CXXC5: variants seen among roughly 807,000 people sequenced by gnomAD.
The protein encoded by CXXC5 is CXXC finger protein 5, also known as CXXC-type zinc finger protein 5.
CXXC5 carries 2 observed loss-of-function variants against 17.6 expected under a neutral mutation model. The ratio of observed to expected loss-of-function variants is 0.11; its 90% confidence interval spans 0.05 to 0.36. The LOEUF is 0.36. Ranked by LOEUF, CXXC5 falls within the 10% of genes least tolerant of loss-of-function variation. The pLI, the probability that CXXC5 is intolerant of heterozygous loss-of-function variation, is 1.00. For missense variants in CXXC5, 343 were observed against 458.3 expected (o/e 0.75, Z 2.30); for synonymous variants, 171 against 193.0 (o/e 0.89, Z 0.94).
At position 139,653,113 on chromosome 5, in the gene CXXC5, C is replaced by T. The variant is rs534400709; in HGVS notation, c.-161+4268C>T. The stretch of plus-strand genomic sequence containing the variant: ...ACTGAACCTCTCACACCCAGTCCTT[C>T]CCCCTGCAACCCCTACACCCCTTCC... On this transcript the variant is annotated intron_variant, in intron 1 of 2. Coordinates refer to ENST00000302517, the MANE Select transcript of CXXC5 (RefSeq NM_016463.9). Among the ~76,000 whole-genome samples the T allele has an allele frequency of 1.1e-4, 17 of 152,208 alleles. No homozygotes were observed. The South Asian group carries it at 3.5e-3, about 32-fold the overall frequency.
intron 1 of CXXC5, among the ~76,000 whole-genome samples, chr5:139,671,756 G>A (rs1210752911): frequency 5.3e-5 from 8 of 152,220 alleles, no homozygotes; most frequent in Admixed American, 6.5e-5. Flanking sequence ...CACCCTCCAG[G>A]ACCCAAGGGA....
chr5:139,659,846 C>T (rs1011328368), intron 1 of CXXC5, among the ~76,000 whole-genome samples: 5 of 152,186 alleles, frequency 3.3e-5, no homozygotes, highest in South Asian at 2.1e-4. Flanking sequence ...CACTGCCCAC[C>T]GAGCTTCTTG....
Position 139,683,022 on chromosome 5 carries a change from C to A in CXXC5, c.*115C>A, listed in dbSNP as rs2126836724. On this transcript the variant is annotated 3_prime_UTR_variant, in exon 3 of 3. Transcript: ENST00000302517. ...ACCCGTCTTTAGAACCAAAAATATTCTCTCACAGATTTCATTCCTGTTTTT... is the reference window on the plus strand; with the variant it reads ...ACCCGTCTTTAGAACCAAAAATATTATCTCACAGATTTCATTCCTGTTTTT... 3.7e-6 allele frequency: 3 copies of A among 813,402 alleles called. No individual in the cohort carries two copies. The highest frequency in any genetic ancestry group is 5.3e-6 in the Non-Finnish European group (3 of 570,646). The allele number at this position is 813,402 out of a possible 1,614,324, so 50.4% of individuals were successfully genotyped here. A position where few individuals can be genotyped will look rare whatever the true frequency, so the allele number is the denominator to read the frequency against.
At chr5:139,678,916 G>A (rs1357438750) in intron 1 of CXXC5, among the ~76,000 whole-genome samples, 1 of 152,232 alleles carries the variant, frequency 6.6e-6, no homozygotes, top group African/African-American at 2.4e-5. Context: ...CAAGGCTGGA[G>A]AGCCGGGACT....
At chr5:139,678,240 A>C (rs1028560174) in intron 1 of CXXC5, among the ~76,000 whole-genome samples, 1 of 152,226 alleles carries the variant, frequency 6.6e-6, no homozygotes, top group Admixed American at 6.5e-5. Flanking sequence ...AGCCAGGGTC[A>C]CTGATTCCTG....
upstream of CXXC5, chr5:139,647,442 G>C (rs1427105801): frequency 6.6e-6 from 1 of 152,238 alleles, no homozygotes; most frequent in Non-Finnish European, 1.5e-5. Flanking sequence ...ATGGGTACGT[G>C]AGGTGAAGAC....
chr5:139,652,415 A>G (rs761529063), intron 1 of CXXC5, among the ~76,000 whole-genome samples: 1 of 151,886 alleles, frequency 6.6e-6, no homozygotes, highest in Non-Finnish European at 1.5e-5. Flanking sequence ...GCAATGAGAA[A>G]GGACTGCCCC....
At chr5:139,662,212 C>T (rs1465922673) in intron 1 of CXXC5, among the ~76,000 whole-genome samples, 1 of 151,762 alleles carries the variant, frequency 6.6e-6, no homozygotes, top group African/African-American at 2.4e-5. Context: ...CCAAGGCCCT[C>T]ATTATCCAGT....
chr5:139,664,753 A>C (rs1331132538), intron 1 of CXXC5, among the ~76,000 whole-genome samples: 1 of 152,178 alleles, frequency 6.6e-6, no homozygotes, highest in Non-Finnish European at 1.5e-5. Flanking sequence ...ACAGGGGTCC[A>C]GGGGAAGAAG....
At chr5:139,671,728 C>T (rs1303847780) in intron 1 of CXXC5, among the ~76,000 whole-genome samples, 1 of 152,260 alleles carries the variant, frequency 6.6e-6, no homozygotes, top group Non-Finnish European at 1.5e-5. Context: ...GACTTCTCTG[C>T]AACAGGGCCC....
At position 139,680,395 on chromosome 5, in the gene CXXC5, A is replaced by G; in HGVS notation, c.-129A>G. Reference sequence around the variant, plus strand: ...GACATTTCCACCTGGACACCTGACCATGTGCCTGCCCTGAGCAGCGAGGCC... The same window carrying G: ...GACATTTCCACCTGGACACCTGACCGTGTGCCTGCCCTGAGCAGCGAGGCC... On this transcript the variant is annotated 5_prime_UTR_variant, in exon 2 of 3. It removes an upstream start codon present in the reference 5' UTR. Transcript: ENST00000302517. 1 of 1,338,028 alleles carries G rather than the reference A, an allele frequency of 7.5e-7. No homozygotes were observed. The highest frequency in any genetic ancestry group is 9.9e-7 in the Non-Finnish European group (1 of 1,009,052). The allele number at this position is 1,338,028 out of a possible 1,614,324, so 82.9% of individuals were successfully genotyped here.
chr5:139,673,128 G>A lies in CXXC5; in HGVS notation c.-160-7236G>A, dbSNP rs372281146. Among the ~76,000 whole-genome samples, 9 of 152,250 alleles carry A rather than the reference G, an allele frequency of 5.9e-5. No individual in the cohort carries two copies. The East Asian group carries it at 9.6e-4, about 16-fold the overall frequency. On this transcript the variant is annotated intron_variant, in intron 1 of 2. Transcript: ENST00000302517. ...TCAGGGGATCCCAGATAGACAAGGC[G>A]TCATTACACCTGCTTAAGCAAATTG...
chr5:139,648,933 GT>G (rs1344789971), intron 1 of CXXC5, 88 bp downstream of exon 1: 6 of 152,246 alleles, frequency 3.9e-5, no homozygotes, highest in Admixed American at 3.9e-4. Flanking sequence ...CTCCCCCGGG[GT>G]TCGGTGCGCG....
chr5:139,673,066 C>G (rs984218777), intron 1 of CXXC5, among the ~76,000 whole-genome samples: 5 of 152,132 alleles, frequency 3.3e-5, no homozygotes, highest in African/African-American at 1.2e-4. Flanking sequence ...GGTGTCAGCT[C>G]AGAGATCACC....
chr5:139,672,093 A>AT (rs936653107), intron 1 of CXXC5, among the ~76,000 whole-genome samples: 6 of 151,478 alleles, frequency 4.0e-5, no homozygotes, highest in African/African-American at 7.3e-5. Context: ...CCTGCTGTTT[A>AT]TTTTTTTTTA....
chr5:139,668,728 T>C lies in CXXC5; in HGVS notation c.-160-11636T>C, dbSNP rs910835306. Among the ~76,000 whole-genome samples the C allele has an allele frequency of 2.0e-5, 3 of 152,084 alleles. No individual in the cohort carries two copies. The highest frequency in any genetic ancestry group is 4.4e-5 in the Non-Finnish European group (3 of 67,996). ...TCTTCAGTCTCGGGAGAGATATGCT[T>C]ATCCCAGGCGGAGCGGAGAAGGCTG... On this transcript the variant is annotated intron_variant, in intron 1 of 2. Transcript: ENST00000302517. This position sits in a 1 kb window ranked among gnomAD's most constrained non-coding sequence, Gnocchi z 4.1.
Position 139,665,179 on chromosome 5 carries a change from C to T in CXXC5, c.-160-15185C>T, listed in dbSNP as rs568555406. ...GAGTGCCAGCCAGCTCCTCGCCTGA[C>T]GCTGCCCGCTCCTGCTCCCACTCTC... On this transcript the variant is annotated intron_variant, in intron 1 of 2. Coordinates refer to ENST00000302517, the MANE Select transcript of CXXC5 (RefSeq NM_016463.9). Among the ~76,000 whole-genome samples, 7 of 152,386 alleles carry T rather than the reference C, an allele frequency of 4.6e-5. No homozygotes were observed. The South Asian group carries it at 6.2e-4, about 14-fold the overall frequency.
intron 1 of CXXC5, among the ~76,000 whole-genome samples, chr5:139,672,941 G>A (rs779628782): frequency 1.3e-5 from 2 of 152,096 alleles, no homozygotes; most frequent in Non-Finnish European, 2.9e-5. Flanking sequence ...AGGACAGTGC[G>A]CCATCTCTGA....
intron 1 of CXXC5, among the ~76,000 whole-genome samples, chr5:139,656,694 C>T (rs189527262): frequency 2.0e-4 from 30 of 152,250 alleles, no homozygotes; most frequent in South Asian, 4.1e-4. Context: ...TAATCAGTTG[C>T]GGCCCCCGTT....
Sources: allele counts gnomAD v4.1 joint callset (sites outside exome capture counted in the v4.1 genomes callset), GRCh38; gene constraint gnomAD v4.1.1; non-coding constraint Gnocchi (gnomAD v3.1); transcripts MANE v1.5; gene names NCBI Gene and HGNC (gene_info 2026-07-23, HGNC 2026-07-21).